Variants in MAP3K7CL observed in about 807,000 individuals in gnomAD.
The protein encoded by MAP3K7CL is MAP3K7 C-terminal like.
In MAP3K7CL, 16 loss-of-function variants were observed where a neutral mutation model predicts 18.6. That is an observed-to-expected ratio of 0.86 (90% CI 0.58 to 1.31). The LOEUF (loss-of-function observed/expected upper bound fraction) is 1.31, where lower values mean the gene tolerates loss of function less well. Among genes scored for constraint, MAP3K7CL ranks in the 50% most tolerant of loss-of-function variants. The pLI is 0.00. For missense variants in MAP3K7CL, 163 were observed against 174.4 expected (o/e 0.93, Z 0.37); for synonymous variants, 65 against 66.8 (o/e 0.97, Z 0.13).
intron 2 of MAP3K7CL, among the ~76,000 whole-genome samples, chr21:29,138,564 TA>T (rs1162923959): frequency 6.6e-6 from 1 of 152,270 alleles, no homozygotes; most frequent in African/African-American, 2.4e-5. Flanking sequence ...CTTGTAAATT[TA>T]GACCTTGGCT....
At chr21:29,091,176 A>T (rs935855442) in intron 1 of MAP3K7CL, among the ~76,000 whole-genome samples, 2 of 152,102 alleles carry the variant, frequency 1.3e-5, no homozygotes, top group African/African-American at 4.8e-5. Context: ...TTCCTTTTTC[A>T]TTCACAATTT....
At chr21:29,162,941 C>T (rs2087588877) in intron 4 of MAP3K7CL, among the ~76,000 whole-genome samples, 1 of 152,060 alleles carries the variant, frequency 6.6e-6, no homozygotes, top group Admixed American at 6.5e-5. Flanking sequence ...CCTGTCTCTA[C>T]TAAAAATACA....
At chr21:29,077,423 G>C (rs2085767005), upstream of MAP3K7CL, 2 of 153,360 alleles carry the variant, frequency 1.3e-5, no homozygotes, top group Admixed American at 6.5e-5. Flanking sequence ...TGCGAGGTCC[G>C]CGGGGCCCAC....
chr21:29,161,773 C>G (rs951481304), intron 4 of MAP3K7CL, among the ~76,000 whole-genome samples: 17 of 152,074 alleles, frequency 1.1e-4, no homozygotes, highest in African/African-American at 3.9e-4. Context: ...TTGTGAAATC[C>G]TTACAATTTT....
chr21:29,156,755 T>A (rs1393759121), intron 3 of MAP3K7CL, among the ~76,000 whole-genome samples: 1 of 152,232 alleles, frequency 6.6e-6, no homozygotes, highest in Non-Finnish European at 1.5e-5. Context: ...AATATCTTAA[T>A]ACTTGTATTC....
At chr21:29,121,264 T>C (rs906217933) in intron 4 of MAP3K7CL, among the ~76,000 whole-genome samples, 1 of 151,760 alleles carries the variant, frequency 6.6e-6, no homozygotes, top group African/African-American at 2.4e-5. Context: ...TGGTAGGACA[T>C]AAATGTAGGC....
chr21:29,080,343 T>A (rs909762850), intron 1 of MAP3K7CL, among the ~76,000 whole-genome samples: 8 of 152,180 alleles, frequency 5.3e-5, no homozygotes, highest in Non-Finnish European at 8.8e-5. Context: ...GATTGGAAGG[T>A]GGTAGGAAAA....
chr21:29,173,975 C>G (rs1253938598), intron 4 of MAP3K7CL, among the ~76,000 whole-genome samples: 1 of 152,210 alleles, frequency 6.6e-6, no homozygotes, highest in Non-Finnish European at 1.5e-5. Flanking sequence ...GCTGGGATTA[C>G]AGACATGAAC....
intron 2 of MAP3K7CL, among the ~76,000 whole-genome samples, chr21:29,137,755 A>G (rs2086916982): frequency 6.6e-6 from 1 of 152,116 alleles, no homozygotes; most frequent in African/African-American, 2.4e-5. Context: ...GGATACTTAC[A>G]TAGGGTACTG....
In MAP3K7CL at chr21:29,141,092, G is replaced by C. The variant is rs529015343; in HGVS notation, c.70+7678G>C. ...GCCCCAGCCCCAATAAGTTCTTCTT[G>C]AGGCAGGTGTTTTTTGGACAGTGAG... On this transcript the variant is annotated intron_variant, in intron 2 of 4. Coordinates refer to ENST00000399928, the MANE Select transcript of MAP3K7CL (RefSeq NM_001286620.2). 2.2e-3 allele frequency among the ~76,000 whole-genome samples: 331 copies of C among 152,344 alleles called. 2 individuals are homozygous for C. Among genetic ancestry groups the C allele is most frequent in the Middle Eastern group, 6.8e-3 (2 of 294 alleles).
rs1460584153 is a variant in MAP3K7CL at position 29,079,408 on chromosome 21, C to T, written c.-49+1695C>T. On this transcript the variant is annotated intron_variant, in intron 1 of 7. Coordinates refer to the MAP3K7CL transcript ENST00000341618. ...GTCTTGGCCAAATGCCAAGCTCTTT[C>T]TTAGCTTTGGCTTGCTTCCTTTTCT... Among the ~76,000 whole-genome samples the T allele has an allele frequency of 2.0e-5, 3 of 152,236 alleles. No homozygotes were observed. The East Asian group carries it at 5.8e-4, about 29-fold the overall frequency.
At chr21:29,107,924 T>C (rs1422434344) in intron 4 of MAP3K7CL, among the ~76,000 whole-genome samples, 4 of 152,210 alleles carry the variant, frequency 2.6e-5, no homozygotes, top group African/African-American at 9.6e-5. Flanking sequence ...CTGTTATCTC[T>C]CTTTTTGTAT....
upstream of MAP3K7CL, among the ~76,000 whole-genome samples, chr21:29,126,040 A>T (rs1013529549): frequency 1.6e-4 from 24 of 152,298 alleles, no homozygotes; most frequent in African/African-American, 5.3e-4. Context: ...ATCTGACAAA[A>T]TTTTTTTATG....
chr21:29,108,362 C>T (rs2086360624), intron 4 of MAP3K7CL, among the ~76,000 whole-genome samples: 1 of 152,168 alleles, frequency 6.6e-6, no homozygotes, highest in African/African-American at 2.4e-5. Flanking sequence ...CAGCTAGCAC[C>T]TTGATCTTGG....
intron 3 of MAP3K7CL, among the ~76,000 whole-genome samples, chr21:29,156,721 T>TTTTTGTATTAGGTATAAAACCTGAATACC (rs2087413660): frequency 6.6e-6 from 1 of 152,216 alleles, no homozygotes; most frequent in Non-Finnish European, 1.5e-5. Context: ...ATAGTGCCAC[T>TTTTTGTATTAGGTATAAAACCTGAATACC]TTTTGTATTA....
At chr21:29,164,111 C>T (rs200042611) in intron 4 of MAP3K7CL, among the ~76,000 whole-genome samples, 1 of 115,430 alleles carries the variant, frequency 8.7e-6, no homozygotes, top group Non-Finnish European at 2.0e-5. Context: ...AAAAAAAAAA[C>T]AAACTGCTAG....
chr21:29,155,927 G>A (rs1254944783), intron 3 of MAP3K7CL, among the ~76,000 whole-genome samples: 1 of 152,232 alleles, frequency 6.6e-6, no homozygotes, highest in African/African-American at 2.4e-5. Context: ...TAGTAAACCA[G>A]ATACGATGGC....
At chr21:29,089,168 C>CAAAAAAAAAAAAAAA (rs748166183) in intron 1 of MAP3K7CL, among the ~76,000 whole-genome samples, 7 of 68,516 alleles carry the variant, frequency 1.0e-4, no homozygotes, top group African/African-American at 1.6e-4. Flanking sequence ...GACTCCGTCT[C>CAAAAAAAAAAAAAAA]AAAAAAAAAA....
At position 29,133,295 on chromosome 21, in the gene MAP3K7CL, T is replaced by C; in HGVS notation, c.-39-11T>C. 6.5e-7 allele frequency: 1 copy of C among 1,546,922 alleles called. No individual in the cohort carries two copies. The highest frequency in any genetic ancestry group is 8.7e-7 in the Non-Finnish European group (1 of 1,143,800). On this transcript the variant is annotated splice_polypyrimidine_tract_variant and intron_variant, in intron 1 of 4. Coordinates refer to ENST00000399928, the MANE Select transcript of MAP3K7CL (RefSeq NM_001286620.2). The stretch of plus-strand genomic sequence containing the variant: ...GGATAAAGTGACAATGGCTCTCTCT[T>C]GCTGTCACAGCTGGAAGACCCAGGA...
Sources: allele counts gnomAD v4.1 joint callset (sites outside exome capture counted in the v4.1 genomes callset), GRCh38; gene constraint gnomAD v4.1.1; transcripts MANE v1.5; gene names NCBI Gene and HGNC (gene_info 2026-07-23, HGNC 2026-07-21).